SGTB: variants seen among roughly 807,000 people sequenced by gnomAD.
The protein encoded by SGTB is small glutamine-rich tetratricopeptide repeat-containing protein beta.
A neutral mutation model predicts 43.9 loss-of-function variants in SGTB; 19 were observed. That is an observed-to-expected ratio of 0.43 (90% confidence interval 0.30 to 0.63). The LOEUF (loss-of-function observed/expected upper bound fraction) is 0.63. Among genes scored for constraint, SGTB ranks in the 30% least tolerant of loss-of-function variants. SGTB has a pLI of 0.12. For synonymous variants in SGTB, 116 were observed against 117.3 expected (o/e 0.99, Z 0.07); for missense variants, 304 against 358.9 (o/e 0.85, Z 1.24).
upstream of SGTB, chr5:65,722,358 G>C (rs946620518): frequency 6.4e-7 from 1 of 1,562,878 alleles, no homozygotes; most frequent in East Asian, 2.5e-5. Flanking sequence ...GCCGCCGCCA[G>C]CCTCTCAGCG....
intron 8 of SGTB, among the ~76,000 whole-genome samples, chr5:65,674,499 GA>G (rs1368716948): frequency 6.6e-6 from 1 of 152,202 alleles, no homozygotes; most frequent in Non-Finnish European, 1.5e-5. Context: ...CTATCAGGTA[GA>G]AAGTCTCTGT....
intron 4 of SGTB, among the ~76,000 whole-genome samples, chr5:65,707,350 G>C (rs545032039): frequency 6.7e-6 from 1 of 149,814 alleles, no homozygotes; most frequent in African/African-American, 2.5e-5. Flanking sequence ...AATAGGAACA[G>C]TATAATTGTT....
chr5:65,701,389 G>A (rs1372075966), intron 5 of SGTB, among the ~76,000 whole-genome samples: 1 of 150,700 alleles, frequency 6.6e-6, no homozygotes, highest in Non-Finnish European at 1.5e-5. Flanking sequence ...TTAAATGAAA[G>A]GAAAAATAAG....
intron 10 of SGTB, among the ~76,000 whole-genome samples, chr5:65,670,789 T>C (rs1463231083): frequency 6.6e-6 from 1 of 152,194 alleles, no homozygotes; most frequent in East Asian, 1.9e-4. Context: ...ACACAAATTG[T>C]AGTATGTGAC....
In SGTB at chr5:65,670,167, G is replaced by A. The variant is rs1338263008; in HGVS notation, c.*79C>T. On this transcript the variant is annotated 3_prime_UTR_variant, in exon 11 of 11. Coordinates refer to ENST00000381007, the MANE Select transcript of SGTB (RefSeq NM_019072.3). The stretch of plus-strand genomic sequence containing the variant: ...TATGGTGTTTGGTTTTTTGAAGGAG[G>A]GAGGGGGTACTATCTACAACAAATA... 4 of 1,247,372 alleles carry A rather than the reference G, an allele frequency of 3.2e-6. No individual in the cohort carries two copies. The Admixed American group carries it at 5.8e-5, about 18-fold the overall frequency. The allele number at this position is 1,247,372 out of a possible 1,614,324, so 77.3% of individuals were successfully genotyped here. A position where few individuals can be genotyped will look rare whatever the true frequency, so the allele number is the denominator to read the frequency against.
At chr5:65,698,788 CA>C in intron 5 of SGTB, among the ~76,000 whole-genome samples, 1 of 152,234 alleles carries the variant, frequency 6.6e-6, no homozygotes, top group South Asian at 2.1e-4. Flanking sequence ...AAATGCTCAA[CA>C]TCACTAATTT....
At chr5:65,693,276 GGA>G (rs1757649942) in intron 5 of SGTB, among the ~76,000 whole-genome samples, 1 of 147,788 alleles carries the variant, frequency 6.8e-6, no homozygotes, top group East Asian at 2.0e-4. Context: ...AAGGAACGAA[GGA>G]GAGAGAGCAA....
chr5:65,720,673 T>C, intron 2 of SGTB, 35 bp downstream of exon 2: 3 of 1,589,944 alleles, frequency 1.9e-6, no homozygotes, highest in Non-Finnish European at 2.6e-6. Context: ...CGTTTATAAT[T>C]ATAATATAAA....
chr5:65,680,645 T>A lies in SGTB; in HGVS notation c.618+11A>T. 1 of 1,613,954 alleles carries A rather than the reference T, an allele frequency of 6.2e-7. No homozygotes were observed. Among genetic ancestry groups the A allele is most frequent in the Non-Finnish European group, 8.5e-7 (1 of 1,179,950 alleles). The stretch of plus-strand genomic sequence containing the variant: ...AGAAAATACTTCACTCATTTGGCAT[T>A]AACAACTTACAGGACTGGATACCTC... On this transcript the variant is annotated intron_variant, in intron 7 of 10. Coordinates refer to ENST00000381007, the MANE Select transcript of SGTB (RefSeq NM_019072.3).
chr5:65,684,626 C>T (rs1757461795), intron 6 of SGTB, among the ~76,000 whole-genome samples: 1 of 152,084 alleles, frequency 6.6e-6, no homozygotes. Flanking sequence ...TATCTCAGCT[C>T]ACTGCAACCT....
chr5:65,709,498 C>T (rs1378237754), intron 3 of SGTB, among the ~76,000 whole-genome samples: 3 of 151,722 alleles, frequency 2.0e-5, no homozygotes, highest in African/African-American at 7.3e-5. Flanking sequence ...CATGCCTCAG[C>T]CTCCCGAGTA....
intron 6 of SGTB, among the ~76,000 whole-genome samples, chr5:65,681,832 A>G (rs2150707014): frequency 6.6e-6 from 1 of 152,004 alleles, no homozygotes; most frequent in East Asian, 1.9e-4. Context: ...AAAATTAGCC[A>G]AGCATGGTGG....
chr5:65,694,220 A>C (rs1048755277), intron 5 of SGTB, among the ~76,000 whole-genome samples: 2 of 152,008 alleles, frequency 1.3e-5, no homozygotes. Context: ...ACCTGAGGTC[A>C]GGAGTTTGAG....
chr5:65,712,927 A>AT (rs747030943), intron 3 of SGTB, 34 bp downstream of exon 3: 1 of 1,513,954 alleles, frequency 6.6e-7, no homozygotes, highest in Non-Finnish European at 9.1e-7. Context: ...TTGTAGTCAT[A>AT]TCAGTTAATA....
At chr5:65,696,601 G>T (rs1173102525) in intron 5 of SGTB, among the ~76,000 whole-genome samples, 1 of 152,180 alleles carries the variant, frequency 6.6e-6, no homozygotes, top group Admixed American at 6.5e-5. Context: ...GATACAAATA[G>T]ATACAAGTGC....
chr5:65,683,742 C>A (rs1258212294), intron 6 of SGTB, among the ~76,000 whole-genome samples: 3 of 151,764 alleles, frequency 2.0e-5, no homozygotes, highest in Non-Finnish European at 4.4e-5. Context: ...GTCAGGAGAT[C>A]GAGACCATCC....
chr5:65,670,286 C>A lies in SGTB; in HGVS notation c.875G>T (p.Arg292Leu). ...ELIEQLRNHIRSRSFSSSAEE... is the reference protein window; with the variant it reads ...ELIEQLRNHILSRSFSSSAEE... ...AGCGCTGCTGCTGAATGATCTGCTC[C>A]GGATGTGATTTCTCAGTTGCTCTAT... Residue 292 changes from arginine (R) to leucine (L), a missense_variant, in exon 11 of 11, where the codon CGG becomes CTG. Arg to Leu is a moderately radical substitution (Grantham distance 102). Transcript: ENST00000381007. The A allele has an allele frequency of 6.2e-7, 1 of 1,614,110 alleles. No individual in the cohort carries two copies. Among genetic ancestry groups the A allele is most frequent in the Non-Finnish European group, 8.5e-7 (1 of 1,179,998 alleles).
intron 5 of SGTB, among the ~76,000 whole-genome samples, chr5:65,697,374 G>A (rs1173494139): frequency 6.6e-6 from 1 of 152,080 alleles, no homozygotes; most frequent in East Asian, 1.9e-4. Flanking sequence ...GTGGATATAA[G>A]ACTATTCTCA....
chr5:65,706,097 G>C (rs551274405), intron 4 of SGTB, among the ~76,000 whole-genome samples: 124 of 152,144 alleles, frequency 8.2e-4, no homozygotes, highest in Non-Finnish European at 5.0e-4. Context: ...GTGAATATAT[G>C]AGAAACTAAT....
Sources: gnomAD v4.1 joint callset for allele counts (sites outside exome capture counted in the v4.1 genomes callset) on GRCh38, gnomAD v4.1.1 for gene constraint, MANE v1.5 for transcripts, NCBI Gene and HGNC (gene_info 2026-07-23, HGNC 2026-07-21) for gene names.